The following SUMF1 variants were observed in gnomAD, a reference collection of about 807,000 sequenced individuals.
SUMF1 encodes formylglycine-generating enzyme.
A neutral mutation model predicts 47.6 loss-of-function variants in SUMF1; 48 were observed. The ratio of observed to expected loss-of-function variants is 1.01; its 90% confidence interval spans 0.80 to 1.28. The LOEUF (loss-of-function observed/expected upper bound fraction) is 1.28. SUMF1 is among the 50% of genes most tolerant of loss of function. The probability of loss-of-function intolerance (pLI) is 0.00; values close to 1 mark genes in which losing one functional copy is unlikely to be tolerated. For missense variants in SUMF1, 571 were observed against 485.4 expected, an observed-to-expected ratio of 1.18 and a Z score of -1.66; for synonymous variants, 230 against 192.1, an observed-to-expected ratio of 1.20 and a Z score of -1.63.
chr3:4,463,383 G>A (rs1575259763), intron 1 of SUMF1, among the ~76,000 whole-genome samples: 1 of 152,166 alleles, frequency 6.6e-6, no homozygotes, highest in African/African-American at 2.4e-5. Flanking sequence ...CCAGCTACTT[G>A]GGAGGCTGAG....
At chr3:4,369,128 G>A (rs573672316) in intron 8 of SUMF1, among the ~76,000 whole-genome samples, 1 of 151,308 alleles carries the variant, frequency 6.6e-6, no homozygotes, top group Non-Finnish European at 1.5e-5. Context: ...ATCTCAAGTT[G>A]ACACAGAAAT....
intron 8 of SUMF1, among the ~76,000 whole-genome samples, chr3:4,150,103 TA>T: frequency 7.4e-6 from 1 of 134,640 alleles, no homozygotes; most frequent in Non-Finnish European, 1.6e-5. Context: ...TTTATTTATT[TA>T]TTTATTTTGC....
chr3:4,088,755 T>A (rs1044355189), intron 8 of SUMF1, among the ~76,000 whole-genome samples: 1 of 152,132 alleles, frequency 6.6e-6, no homozygotes, highest in Non-Finnish European at 1.5e-5. Context: ...TCTTCCTTAC[T>A]GAAGAGAATT....
At chr3:4,245,992 C>T (rs956625099) in intron 8 of SUMF1, among the ~76,000 whole-genome samples, 2 of 152,198 alleles carry the variant, frequency 1.3e-5, no homozygotes, top group Non-Finnish European at 2.9e-5. Context: ...CTGCCAAGCT[C>T]CAGCGTCCCA....
At chr3:4,223,104 G>C (rs546634813) in intron 8 of SUMF1, among the ~76,000 whole-genome samples, 1 of 152,066 alleles carries the variant, frequency 6.6e-6, no homozygotes, top group Non-Finnish European at 1.5e-5. Flanking sequence ...GTTCAACAAA[G>C]ATATACCTTT....
downstream of SUMF1, among the ~76,000 whole-genome samples, chr3:4,359,674 T>C (rs1401918759): frequency 2.0e-5 from 3 of 152,120 alleles, no homozygotes; most frequent in South Asian, 2.1e-4. Flanking sequence ...AAAAGCCCCT[T>C]GTAAAACCAT....
At chr3:4,330,987 A>G (rs892794948) in intron 8 of SUMF1, among the ~76,000 whole-genome samples, 2 of 152,200 alleles carry the variant, frequency 1.3e-5, no homozygotes, top group Admixed American at 6.5e-5. Flanking sequence ...TCTAATATCA[A>G]TGTGCTTTTG....
chr3:4,113,725 C>T (rs1027513747), intron 8 of SUMF1, among the ~76,000 whole-genome samples: 1 of 151,996 alleles, frequency 6.6e-6, no homozygotes, highest in East Asian at 1.9e-4. Flanking sequence ...AAAACTCAGT[C>T]TCTCTTCATG....
At chr3:4,189,969 G>A (rs538062612) in intron 8 of SUMF1, among the ~76,000 whole-genome samples, 58 of 152,206 alleles carry the variant, frequency 3.8e-4, no homozygotes, top group South Asian at 6.2e-4. Context: ...ACTTCGAAAC[G>A]CATTTTTAAA....
At chr3:4,173,203 T>C (rs765093367) in intron 8 of SUMF1, among the ~76,000 whole-genome samples, 5 of 152,198 alleles carry the variant, frequency 3.3e-5, no homozygotes, top group African/African-American at 1.2e-4. Flanking sequence ...TTCTGTTCCA[T>C]TGCTCTATAT....
chr3:4,306,516 C>T (rs1209566664), intron 8 of SUMF1, among the ~76,000 whole-genome samples: 4 of 152,178 alleles, frequency 2.6e-5, no homozygotes, highest in African/African-American at 4.8e-5. Context: ...TTCTAACTAT[C>T]TCTGTATATG....
At chr3:4,357,731 C>T (rs1699653884), downstream of SUMF1, among the ~76,000 whole-genome samples, 1 of 151,814 alleles carries the variant, frequency 6.6e-6, no homozygotes, top group Admixed American at 6.6e-5. Flanking sequence ...GCCTCAGCCT[C>T]CAAGTAGCTG....
chr3:4,123,263 T>G (rs961400690), intron 8 of SUMF1, among the ~76,000 whole-genome samples: 40 of 152,136 alleles, frequency 2.6e-4, no homozygotes, highest in African/African-American at 9.4e-4. Flanking sequence ...GACCGGTGTG[T>G]GGGAGTGATA....
intron 9 of SUMF1, among the ~76,000 whole-genome samples, chr3:4,037,684 C>G (rs1435276455): frequency 6.6e-6 from 1 of 152,094 alleles, no homozygotes; most frequent in Non-Finnish European, 1.5e-5. Flanking sequence ...GGTTAAGAAC[C>G]CTTGTTGGAG....
At chr3:4,255,143 C>T (rs901672417) in intron 8 of SUMF1, among the ~76,000 whole-genome samples, 1 of 149,960 alleles carries the variant, frequency 6.7e-6, no homozygotes, top group Non-Finnish European at 1.5e-5. Flanking sequence ...ACAATCGGTA[C>T]CAGCCGCTGC....
chr3:4,138,265 A>G (rs1483663479), intron 8 of SUMF1, among the ~76,000 whole-genome samples: 1 of 152,152 alleles, frequency 6.6e-6, no homozygotes, highest in African/African-American at 2.4e-5. Flanking sequence ...AACTCTGTAT[A>G]GTGAAAAGTT....
intron 3 of SUMF1, among the ~76,000 whole-genome samples, chr3:4,439,846 C>G (rs1158632605): frequency 4.0e-5 from 6 of 151,868 alleles, no homozygotes; most frequent in Non-Finnish European, 8.8e-5. Flanking sequence ...AGCCACTGCA[C>G]CCAGCCAAGA....
At chr3:4,102,169 G>A (rs1460421567) in intron 8 of SUMF1, among the ~76,000 whole-genome samples, 2 of 152,148 alleles carry the variant, frequency 1.3e-5, no homozygotes, top group African/African-American at 2.4e-5. Flanking sequence ...ATACAGCCAA[G>A]TCATATCATT....
intron 8 of SUMF1, among the ~76,000 whole-genome samples, chr3:4,094,308 T>C (rs540919663): frequency 1.3e-5 from 2 of 152,210 alleles, no homozygotes; most frequent in South Asian, 4.2e-4. Context: ...GTAATATGAA[T>C]AGGCACTGGA....
Sources: gnomAD v4.1 joint callset for allele counts (sites outside exome capture counted in the v4.1 genomes callset) on GRCh38, gnomAD v4.1.1 for gene constraint, MANE v1.5 for transcripts, NCBI Gene and HGNC (gene_info 2026-07-23, HGNC 2026-07-21) for gene names.